TSPOAP1: variants seen among roughly 807,000 people sequenced by gnomAD.
The protein encoded by TSPOAP1 is TSPO associated protein 1.
TSPOAP1 carries 87 observed loss-of-function variants against 197.0 expected under a neutral mutation model. That is an observed-to-expected ratio of 0.44 (90% CI 0.37 to 0.53). The LOEUF (loss-of-function observed/expected upper bound fraction) is 0.53, where lower values mean the gene tolerates loss of function less well. Among genes scored for constraint, TSPOAP1 ranks in the 20% least tolerant of loss-of-function variants. The pLI is 0.00. For missense variants in TSPOAP1, 2,174 were observed against 2,411.3 expected (o/e 0.90, Z 2.06); for synonymous variants, 913 against 998.9 (o/e 0.91, Z 1.62).
In TSPOAP1 at chr17:58,304,459, C is replaced by T. The variant is rs918402184; in HGVS notation, c.5545-60G>A. On this transcript the variant is annotated intron_variant, in intron 30 of 31. Transcript: ENST00000343736. The surrounding 1 kb of genome is among the most constrained non-coding windows in gnomAD (Gnocchi z 4.2). ...CCGACAGACCCGCACCTTCTCCGCC[C>T]GGCCACCAGGTGGCCCTGCGCAGGG... 13 of 1,468,852 alleles carry T rather than the reference C, an allele frequency of 8.9e-6. No individual in the cohort carries two copies. Among genetic ancestry groups the T allele is most frequent in the African/African-American group, 2.8e-5 (2 of 72,024 alleles). The allele number at this position is 1,468,852 out of a possible 1,614,324, so 91.0% of individuals were successfully genotyped here.
In TSPOAP1 at chr17:58,320,525, C is replaced by T. The variant is rs1367092887; in HGVS notation, c.1473+6G>A. On this transcript the variant is annotated splice_donor_region_variant and intron_variant, in intron 11 of 31. Coordinates refer to ENST00000343736, the MANE Select transcript of TSPOAP1 (RefSeq NM_004758.4). ...TGGAACTGGGGGCCACTTCCAGGCG[C>T]CCTACCTCCAGCAGCTGCACGGCTC... is the stretch of plus-strand genomic sequence containing the variant. 2.0e-6 allele frequency: 3 copies of T among 1,514,832 alleles called. No individual in the cohort carries two copies. The Admixed American group carries it at 6.7e-5, about 34-fold the overall frequency. The allele number at this position is 1,514,832 out of a possible 1,614,324, so 93.8% of individuals were successfully genotyped here.
chr17:58,320,381 GGTGGA>G, intron 11 of TSPOAP1, 145 bp downstream of exon 11: 1 of 1,036,534 alleles, frequency 9.6e-7, no homozygotes, highest in Non-Finnish European at 1.4e-6. Context: ...ATAGGCCAGT[GGTGGA>G]GGGGACTCCC....
Position 58,322,443 on chromosome 17 carries a change from G to A in TSPOAP1, c.1318-31C>T. ...ACACAAGATCTGAGTCAAGGCCAGA[G>A]CCCCTACTTGGCCATTTCTAGAGAA... On this transcript the variant is annotated intron_variant, in intron 9 of 31. Transcript: ENST00000343736. This position sits in a 1 kb window ranked among gnomAD's most constrained non-coding sequence, Gnocchi z 5.0. The A allele has an allele frequency of 1.3e-6, 2 of 1,599,582 alleles. No homozygotes were observed. Among genetic ancestry groups the A allele is most frequent in the South Asian group, 2.2e-5 (2 of 90,712 alleles).
chr17:58,325,087 T>G, intron 4 of TSPOAP1, 85 bp from the exon 5 acceptor site: 1 of 1,243,510 alleles, frequency 8.0e-7, no homozygotes, highest in Non-Finnish European at 1.1e-6. Context: ...CCCTTCGCCT[T>G]GCTGGAGGGG....
rs1360928336 is a variant in TSPOAP1, at chr17:58,322,522, A to C, written c.1318-110T>G. 19 of 1,541,236 alleles carry C rather than the reference A, an allele frequency of 1.2e-5. No individual in the cohort carries two copies. Among genetic ancestry groups the C allele is most frequent in the Non-Finnish European group, 1.7e-5 (19 of 1,142,334 alleles). ...ATTTGCTCCAGATTCCTCTATTACAAAGGAAACTGAGCCTGGAGCAGCTCC... is the reference window on the plus strand; with the variant it reads ...ATTTGCTCCAGATTCCTCTATTACACAGGAAACTGAGCCTGGAGCAGCTCC... On this transcript the variant is annotated intron_variant, in intron 9 of 31. Coordinates refer to ENST00000343736, the MANE Select transcript of TSPOAP1 (RefSeq NM_004758.4). The surrounding 1 kb of genome is among the most constrained non-coding windows in gnomAD (Gnocchi z 5.0).
chr17:58,306,650 G>A, intron 25 of TSPOAP1, 150 bp downstream of exon 25: 1 of 1,072,006 alleles, frequency 9.3e-7, no homozygotes, highest in Non-Finnish European at 1.3e-6. Flanking sequence ...CGTACAGTCT[G>A]ACCACTACGC....
Position 58,326,505 on chromosome 17 carries a change from C to T in TSPOAP1, c.442-84G>A. The T allele has an allele frequency of 6.3e-7, 1 of 1,576,302 alleles. No individual in the cohort carries two copies. The highest frequency in any genetic ancestry group is 8.6e-7 in the Non-Finnish European group (1 of 1,160,398). ...AACAGCCCAAGTCTTGGGCTAGAGC[C>T]CTAGGCTCACAGTGGGGTCCTTGGC... On this transcript the variant is annotated intron_variant, in intron 2 of 31. Transcript: ENST00000343736. The surrounding 1 kb of genome is among the most constrained non-coding windows in gnomAD (Gnocchi z 4.7).
chr17:58,302,421 G>A lies in TSPOAP1; in HGVS notation c.*59C>T, dbSNP rs2144013696. ...TACAAGGCCCACCTGGGGGCCCTGG[G>A]GACCCTTGTGTGGTGCAGCCCCAGT... On this transcript the variant is annotated 3_prime_UTR_variant, in exon 32 of 32. Coordinates refer to ENST00000343736, the MANE Select transcript of TSPOAP1 (RefSeq NM_004758.4). 7.8e-7 allele frequency: 1 copy of A among 1,277,622 alleles called. No individual in the cohort carries two copies. The highest frequency in any genetic ancestry group is 5.6e-5 in the East Asian group (1 of 17,948). The allele number at this position is 1,277,622 out of a possible 1,614,324, so 79.1% of individuals were successfully genotyped here.
intron 11 of TSPOAP1, 74 bp from the exon 12 acceptor site, chr17:58,320,203 G>A (rs1005098575): frequency 9.6e-6 from 15 of 1,561,848 alleles, no homozygotes; most frequent in Middle Eastern, 1.7e-4. Context: ...AGAGGGAGGC[G>A]GAGAAGGGGG....
At position 58,307,679 on chromosome 17, in the gene TSPOAP1, C is replaced by T. The variant is rs751472042; in HGVS notation, c.4915G>A (p.Val1639Met). ...GCATCAGGATTGGGCGACATTGACACGGGGTCATAGTCAAACAGAGCCACA... is the reference window on the plus strand; with the variant it reads ...GCATCAGGATTGGGCGACATTGACATGGGGTCATAGTCAAACAGAGCCACA... Reference protein sequence around the residue: ...IFVALFDYDPVSMSPNPDAGE... With the variant: ...IFVALFDYDPMSMSPNPDAGE... Residue 1639 changes from valine (V) to methionine (M), a missense_variant, in exon 24 of 32, where the codon GTG becomes ATG. By Grantham distance (21) the Val-to-Met change is conservative. Transcript: ENST00000343736. 2.5e-5 allele frequency: 41 copies of T among 1,614,044 alleles called. No individual in the cohort carries two copies. The highest frequency in any genetic ancestry group is 1.6e-4 in the African/African-American group (12 of 74,944).
Position 58,301,944 on chromosome 17 carries a change from T to G in TSPOAP1, c.*536A>C, listed in dbSNP as rs1014933497. 4.1e-5 allele frequency: 9 copies of G among 220,598 alleles called. No individual in the cohort carries two copies. The highest frequency in any genetic ancestry group is 8.3e-5 in the Non-Finnish European group (9 of 108,490). 13.7% of individuals were successfully genotyped at this position (220,598 alleles called of 1,614,324 possible). A position where few individuals can be genotyped will look rare whatever the true frequency, so the allele number is the denominator to read the frequency against. ...GTGGCAGAAGGGACTAGCGCAGCAC[T>G]GTGGGACACTAGTAGACGAGGTGGG... On this transcript the variant is annotated 3_prime_UTR_variant, in exon 32 of 32. Coordinates refer to ENST00000343736, the MANE Select transcript of TSPOAP1 (RefSeq NM_004758.4).
Position 58,324,691 on chromosome 17 carries a change from G to A in TSPOAP1, c.942+120C>T. 1.2e-6 allele frequency: 1 copy of A among 858,586 alleles called. No homozygotes were observed. The highest frequency in any genetic ancestry group is 1.6e-6 in the Non-Finnish European group (1 of 613,006). The allele number at this position is 858,586 out of a possible 1,614,324, so 53.2% of individuals were successfully genotyped here. A position where few individuals can be genotyped will look rare whatever the true frequency, so the allele number is the denominator to read the frequency against. On this transcript the variant is annotated intron_variant, in intron 5 of 31. Transcript: ENST00000343736. This position sits in a 1 kb window ranked among gnomAD's most constrained non-coding sequence, Gnocchi z 5.8. ...GACGGGAAAGCTCCCCAGCCCCTGG[G>A]AGTGCGCACACCACCACTGAGTCCT...
In TSPOAP1 at chr17:58,316,078, T is replaced by G. The variant is rs1971223377; in HGVS notation, c.2043A>C (p.Thr681=). ...CATAGATGTAGATGTACTCGCCAGC[T>G]GTCAGCGGAAGCTCTGCTTCTGGAT... ...NENPEAELPL[T]AGEYIYIYGN... is the part of the protein sequence containing the mutation. Residue 681 remains threonine (T), a synonymous_variant, in exon 16 of 32, where the codon ACA becomes ACC. Coordinates refer to ENST00000343736, the MANE Select transcript of TSPOAP1 (RefSeq NM_004758.4). The G allele has an allele frequency of 1.2e-6, 2 of 1,614,044 alleles. No homozygotes were observed. The highest frequency in any genetic ancestry group is 1.7e-6 in the Non-Finnish European group (2 of 1,180,040).
chr17:58,313,530 G>C (rs1399206364), intron 16 of TSPOAP1, among the ~76,000 whole-genome samples: 3 of 151,736 alleles, frequency 2.0e-5, no homozygotes, highest in Non-Finnish European at 4.4e-5. Context: ...AGGATTGCTT[G>C]AGCCCGGGAG....
In TSPOAP1 at chr17:58,308,714, A is replaced by G; in HGVS notation, c.4558T>C (p.Cys1520Arg). ...CAGGCCTCCCCATCTCCAGGGTAGCAGGAGCTGGTGATGCTGATGCCCCCG... is the reference window on the plus strand; with the variant it reads ...CAGGCCTCCCCATCTCCAGGGTAGCGGGAGCTGGTGATGCTGATGCCCCCG... ...GSGGISITSS[C>R]YPGDGEAWGT... The change falls in exon 22 of 32, where the codon TGC (cysteine) becomes CGC (arginine). Residue 1520 changes from cysteine (C) to arginine (R), a missense_variant. By Grantham distance (180) the Cys-to-Arg change is radical. Around this residue, in one of 5 missense-constraint regions of TSPOAP1, gnomAD observed 1,933 missense variants for 2,139.0 expected, o/e 0.90. Transcript: ENST00000343736. 4 of 1,613,024 alleles carry G rather than the reference A, an allele frequency of 2.5e-6. No individual in the cohort carries two copies. The highest frequency in any genetic ancestry group is 3.4e-6 in the Non-Finnish European group (4 of 1,179,950).
intron 7 of TSPOAP1, 113 bp downstream of exon 7, chr17:58,323,184 GA>G: frequency 6.8e-7 from 1 of 1,479,824 alleles, no homozygotes; most frequent in East Asian, 2.3e-5. Context: ...GAGCAGGAGG[GA>G]AAATGTGTTC....
chr17:58,327,922 G>T lies in TSPOAP1; in HGVS notation c.-2C>A. On this transcript the variant is annotated 5_prime_UTR_variant, in exon 1 of 32. An upstream open reading frame in the 5' UTR gains an earlier in-frame stop. Coordinates refer to ENST00000343736, the MANE Select transcript of TSPOAP1 (RefSeq NM_004758.4). Reference sequence around the variant, plus strand: ...TGGGAGGGTTGTCAGTTGCTCCATGGTACTGCCAAGGGGCCCCAGAACCCG... The same window carrying T: ...TGGGAGGGTTGTCAGTTGCTCCATGTTACTGCCAAGGGGCCCCAGAACCCG... 2.5e-6 allele frequency: 4 copies of T among 1,590,748 alleles called. No individual in the cohort carries two copies. The highest frequency in any genetic ancestry group is 3.4e-6 in the Non-Finnish European group (4 of 1,164,544).
chr17:58,323,421 A>C (rs766242411), intron 6 of TSPOAP1, 40 bp from the exon 7 acceptor site: 18 of 1,614,090 alleles, frequency 1.1e-5, no homozygotes, highest in Admixed American at 1.0e-4. Context: ...GAGGGAAGGT[A>C]CATCTGCCCA....
At position 58,324,608 on chromosome 17, in the gene TSPOAP1, CA is replaced by C. The variant is rs1971514415; in HGVS notation, c.942+202del. The stretch of plus-strand genomic sequence containing the variant: ...ATGGAGGGCGGAACCCTGGAGCCCC[CA>C]GGGGAGGGCACGGCGCAGGTACGAG... On this transcript the variant is annotated intron_variant, in intron 5 of 31. Transcript: ENST00000343736. The surrounding 1 kb of genome is among the most constrained non-coding windows in gnomAD (Gnocchi z 5.8). Among the ~76,000 whole-genome samples the C allele has an allele frequency of 6.6e-6, 1 of 152,058 alleles. No homozygotes were observed. The highest frequency in any genetic ancestry group is 1.5e-5 in the Non-Finnish European group (1 of 67,936).
Sources: allele counts gnomAD v4.1 joint callset (sites outside exome capture counted in the v4.1 genomes callset), GRCh38; gene constraint gnomAD v4.1.1; regional missense constraint gnomAD v4.1.1; non-coding constraint Gnocchi (gnomAD v3.1); transcripts MANE v1.5; gene names NCBI Gene and HGNC (gene_info 2026-07-23, HGNC 2026-07-21).